The following LDLRAD3 variants were observed in gnomAD, a reference collection of about 807,000 sequenced individuals.
The protein encoded by LDLRAD3 is low-density lipoprotein receptor class A domain-containing protein 3.
LDLRAD3 carries 20 observed loss-of-function variants against 29.4 expected under a neutral mutation model. The ratio of observed to expected loss-of-function variants is 0.68; its 90% CI spans 0.48 to 0.99. The LOEUF is 0.99. Ranked by LOEUF, LDLRAD3 falls within the 50% of genes least tolerant of loss-of-function variation. The pLI is 0.00. For missense variants in LDLRAD3, 420 were observed against 454.3 expected (o/e 0.92, Z 0.69); for synonymous variants, 157 against 192.7 (o/e 0.81, Z 1.53).
intron 2 of LDLRAD3, among the ~76,000 whole-genome samples, chr11:36,060,904 A>G (rs948532927): frequency 2.0e-5 from 3 of 152,226 alleles, no homozygotes; most frequent in African/African-American, 7.2e-5. Flanking sequence ...AGCCAACTCA[A>G]TTTATGAAAA....
intron 4 of LDLRAD3, among the ~76,000 whole-genome samples, chr11:36,212,682 A>G (rs976687672): frequency 3.3e-5 from 5 of 152,052 alleles, no homozygotes; most frequent in African/African-American, 1.2e-4. Flanking sequence ...CTGGCTTATC[A>G]CTGGGCCCTT....
At chr11:36,185,373 A>C (rs189487525) in intron 4 of LDLRAD3, among the ~76,000 whole-genome samples, 62 of 152,342 alleles carry the variant, frequency 4.1e-4, no homozygotes, top group African/African-American at 1.4e-3. Flanking sequence ...GGATTCCATA[A>C]AAGGTAAAAA....
chr11:36,214,232 A>G (rs1279353202), intron 4 of LDLRAD3, among the ~76,000 whole-genome samples: 2 of 152,112 alleles, frequency 1.3e-5, no homozygotes, highest in African/African-American at 4.8e-5. Flanking sequence ...GACCTTCATG[A>G]TGAGGGCGTG....
chr11:36,147,036 C>T (rs1361230025), intron 4 of LDLRAD3, among the ~76,000 whole-genome samples: 4 of 150,714 alleles, frequency 2.7e-5, no homozygotes, highest in Non-Finnish European at 5.9e-5. Flanking sequence ...GTGACCCACC[C>T]ACCTTGGCCC....
At chr11:36,142,343 T>G (rs1854098139) in intron 4 of LDLRAD3, among the ~76,000 whole-genome samples, 1 of 152,268 alleles carries the variant, frequency 6.6e-6, no homozygotes, top group African/African-American at 2.4e-5. Flanking sequence ...TGTGCCTGTT[T>G]GTTCCTACTC....
chr11:36,200,473 T>G (rs904143794), intron 4 of LDLRAD3, among the ~76,000 whole-genome samples: 1 of 152,028 alleles, frequency 6.6e-6, no homozygotes, highest in Non-Finnish European at 1.5e-5. Flanking sequence ...ACATATGAAT[T>G]GAGGGGGATA....
intron 2 of LDLRAD3, among the ~76,000 whole-genome samples, chr11:36,043,203 T>C (rs1852404906): frequency 2.0e-5 from 3 of 152,132 alleles, no homozygotes; most frequent in African/African-American, 7.2e-5. Flanking sequence ...TCCCAGCTAC[T>C]TGGGAGACTG....
chr11:36,204,496 T>C (rs1190097042), intron 4 of LDLRAD3, among the ~76,000 whole-genome samples: 1 of 58,964 alleles, frequency 1.7e-5, no homozygotes. Flanking sequence ...TTCTCTCTCT[T>C]TCTTTTTTTT....
At chr11:36,166,724 C>A (rs1174090607) in intron 4 of LDLRAD3, among the ~76,000 whole-genome samples, 3 of 152,152 alleles carry the variant, frequency 2.0e-5, no homozygotes, top group Non-Finnish European at 4.4e-5. Context: ...GAAACATGAT[C>A]TTCTAGCCCA....
At position 35,979,588 on chromosome 11, in the gene LDLRAD3, C is replaced by G. The variant is rs539146072; in HGVS notation, c.46+35444C>G. ...TTTCTCAGGTTAGCGGAGCTTTAGA[C>G]GAGCGTTGAGACTGTCTGTCTCAGA... On this transcript the variant is annotated intron_variant, in intron 1 of 5. Coordinates refer to ENST00000315571, the MANE Select transcript of LDLRAD3 (RefSeq NM_174902.4). Among the ~76,000 whole-genome samples the G allele has an allele frequency of 2.0e-5, 3 of 152,168 alleles. No individual in the cohort carries two copies. The South Asian group carries it at 6.2e-4, about 32-fold the overall frequency.
At chr11:35,958,847 G>A (rs1040135675) in intron 1 of LDLRAD3, among the ~76,000 whole-genome samples, 1 of 152,136 alleles carries the variant, frequency 6.6e-6, no homozygotes, top group East Asian at 1.9e-4. Flanking sequence ...TACTACATGA[G>A]TACAAGGTGA....
intron 5 of LDLRAD3, among the ~76,000 whole-genome samples, chr11:36,227,808 T>C (rs1855521627): frequency 6.6e-6 from 1 of 152,232 alleles, no homozygotes; most frequent in Non-Finnish European, 1.5e-5. Flanking sequence ...CGCTGGTCCA[T>C]GTTCTGGCCA....
intron 1 of LDLRAD3, among the ~76,000 whole-genome samples, chr11:36,011,094 C>T (rs747658326): frequency 2.1e-4 from 32 of 152,172 alleles, no homozygotes; most frequent in Non-Finnish European, 4.3e-4. Flanking sequence ...CGTGAGCCAC[C>T]GCACCCAGCC....
At chr11:36,157,398 G>A (rs1305918559) in intron 4 of LDLRAD3, among the ~76,000 whole-genome samples, 1 of 152,190 alleles carries the variant, frequency 6.6e-6, no homozygotes, top group Non-Finnish European at 1.5e-5. Context: ...GGAGTTAATT[G>A]AAGAGTTTCC....
intron 2 of LDLRAD3, among the ~76,000 whole-genome samples, chr11:36,071,146 T>C (rs1852895140): frequency 6.6e-6 from 1 of 152,164 alleles, no homozygotes. Flanking sequence ...GGATGGAGAA[T>C]AATAGAGCGC....
intron 3 of LDLRAD3, among the ~76,000 whole-genome samples, chr11:36,093,028 A>C (rs555173208): frequency 6.6e-6 from 1 of 152,310 alleles, no homozygotes; most frequent in South Asian, 2.1e-4. Flanking sequence ...GGTTGTATAC[A>C]AGGATATAGC....
At position 36,229,613 on chromosome 11, in the gene LDLRAD3, A is replaced by T; in HGVS notation, c.*216A>T. 2.7e-5 allele frequency: 12 copies of T among 447,524 alleles called. No homozygotes were observed. Among genetic ancestry groups the T allele is most frequent in the South Asian group, 1.8e-4 (3 of 16,460 alleles). 27.7% of individuals were successfully genotyped at this position (447,524 alleles called of 1,614,324 possible). A position where few individuals can be genotyped will look rare whatever the true frequency, so the allele number is the denominator to read the frequency against. ...TGATCTGTTGTGCGTCTTTTCTGTC[A>T]GGTCACTCTTCCCTTGGGACCCGAG... On this transcript the variant is annotated 3_prime_UTR_variant, in exon 6 of 6. Transcript: ENST00000315571.
At chr11:36,078,541 T>C (rs1853055893) in intron 2 of LDLRAD3, among the ~76,000 whole-genome samples, 1 of 152,188 alleles carries the variant, frequency 6.6e-6, no homozygotes, top group Admixed American at 6.5e-5. Context: ...GAGTGGGTGC[T>C]GACAGCAGGG....
chr11:36,213,413 T>C lies in LDLRAD3; in HGVS notation c.455-13672T>C, dbSNP rs1337262022. On this transcript the variant is annotated intron_variant, in intron 4 of 5. Coordinates refer to ENST00000315571, the MANE Select transcript of LDLRAD3 (RefSeq NM_174902.4). This position sits in a 1 kb window ranked among gnomAD's most constrained non-coding sequence, Gnocchi z 4.1. ...GGTCTGCCCTTTAAATTAAACTTTT[T>C]CAATCCGCATCTAAATTGGGATGGG... Among the ~76,000 whole-genome samples, 1 of 152,258 alleles carries C rather than the reference T, an allele frequency of 6.6e-6. No individual in the cohort carries two copies. Among genetic ancestry groups the C allele is most frequent in the East Asian group, 1.9e-4 (1 of 5,200 alleles).
Sources: allele counts gnomAD v4.1 joint callset (sites outside exome capture counted in the v4.1 genomes callset), GRCh38; gene constraint gnomAD v4.1.1; non-coding constraint Gnocchi (gnomAD v3.1); transcripts MANE v1.5; gene names NCBI Gene and HGNC (gene_info 2026-07-23, HGNC 2026-07-21).